Variants in STX2 observed in about 807,000 individuals in gnomAD.
STX2 encodes the protein syntaxin 2, also known as syntaxin-2.
In STX2, 27 loss-of-function variants were observed where a neutral mutation model predicts 40.6. That is an observed-to-expected ratio of 0.66 (90% CI 0.49 to 0.92). The LOEUF (loss-of-function observed/expected upper bound fraction) is 0.92. Ranked by LOEUF, STX2 falls within the 40% of genes least tolerant of loss-of-function variation. The probability of loss-of-function intolerance (pLI) is 0.00; values close to 1 mark genes in which losing one functional copy is unlikely to be tolerated. For synonymous variants in STX2, 123 were observed against 119.1 expected, an observed-to-expected ratio of 1.03 and a Z score of -0.22; for missense variants, 328 against 366.1, an observed-to-expected ratio of 0.90 and a Z score of 0.85.
At position 130,808,527 on chromosome 12, in the gene STX2, G is replaced by A. The variant is rs1005342607; in HGVS notation, c.354+104C>T. ...TATTTTTGTGCAGAAATACTATGAG[G>A]ATAAGCATGACAGTAAAGATGAAAT... On this transcript the variant is annotated intron_variant, in intron 5 of 10. Coordinates refer to ENST00000392373, the MANE Select transcript of STX2 (RefSeq NM_194356.4). 7.0e-6 allele frequency: 7 copies of A among 999,114 alleles called. No individual in the cohort carries two copies. In the Admixed American group the frequency reaches 1.2e-4, roughly 17 times the overall value. 61.9% of individuals were successfully genotyped at this position (999,114 alleles called of 1,614,324 possible). A position where few individuals can be genotyped will look rare whatever the true frequency, so the allele number is the denominator to read the frequency against.
At chr12:130,808,545 G>A in intron 5 of STX2, 86 bp downstream of exon 5, 1 of 1,165,928 alleles carries the variant, frequency 8.6e-7, no homozygotes, top group Non-Finnish European at 1.3e-6. Flanking sequence ...TGACAGTAAA[G>A]ATGAAATTAT....
rs1192625785 is a variant in STX2 at position 130,814,017 on chromosome 12, C to T, written c.206-986G>A. Among the ~76,000 whole-genome samples the T allele has an allele frequency of 3.9e-5, 6 of 152,338 alleles. No individual in the cohort carries two copies. The East Asian group carries it at 7.7e-4, about 20-fold the overall frequency. ...CACTCTCTTCCTGACACCCCCTCAGCTGAGCATACGCAGGGTGCCCCGAGT... is the reference window on the plus strand; with the variant it reads ...CACTCTCTTCCTGACACCCCCTCAGTTGAGCATACGCAGGGTGCCCCGAGT... On this transcript the variant is annotated intron_variant, in intron 3 of 10. Coordinates refer to ENST00000392373, the MANE Select transcript of STX2 (RefSeq NM_194356.4).
chr12:130,822,234 T>C (rs747721005), intron 2 of STX2, among the ~76,000 whole-genome samples: 3 of 152,124 alleles, frequency 2.0e-5, no homozygotes, highest in Admixed American at 6.6e-5. Flanking sequence ...CTGGCCAACA[T>C]AGAGAAACCT....
intron 1 of STX2, among the ~76,000 whole-genome samples, chr12:130,829,446 C>G (rs576095599): frequency 1.3e-5 from 2 of 152,320 alleles, no homozygotes; most frequent in African/African-American, 4.8e-5. Flanking sequence ...TTCCACACAC[C>G]CTGCTCTAAC....
chr12:130,836,293 G>C (rs1011784112), intron 1 of STX2, among the ~76,000 whole-genome samples: 1 of 152,030 alleles, frequency 6.6e-6, no homozygotes, highest in African/African-American at 2.4e-5. Context: ...TTGAGACAGG[G>C]TCTCAATCTG....
rs1275261453 is a variant in STX2 at position 130,791,434 on chromosome 12, G to C, written c.*589C>G. ...CCAGCTACTCGGGAGGCTGAGGCAG[G>C]AGAATTGCTTGAACCCGGGAGGCCG... is the stretch of plus-strand genomic sequence containing the variant. On this transcript the variant is annotated 3_prime_UTR_variant, in exon 11 of 11. Coordinates refer to ENST00000392373, the MANE Select transcript of STX2 (RefSeq NM_194356.4). 1 of 152,430 alleles carries C rather than the reference G, an allele frequency of 6.6e-6. No individual in the cohort carries two copies. The highest frequency in any genetic ancestry group is 2.4e-5 in the African/African-American group (1 of 41,324). The allele number at this position is 152,430 out of a possible 1,614,324, so 9.4% of individuals were successfully genotyped here.
Position 130,790,641 on chromosome 12 carries a change from C to G in STX2, c.*1382G>C. Reference sequence around the variant, plus strand: ...GGTACTTAACAACATGTATGTGGATCTGTACAATAGTTTAAATTTGTAAGA... The same window carrying G: ...GGTACTTAACAACATGTATGTGGATGTGTACAATAGTTTAAATTTGTAAGA... On this transcript the variant is annotated 3_prime_UTR_variant, in exon 11 of 11. Transcript: ENST00000392373. 6.6e-6 allele frequency: 1 copy of G among 152,332 alleles called. No individual in the cohort carries two copies. The highest frequency in any genetic ancestry group is 1.5e-5 in the Non-Finnish European group (1 of 68,042). The allele number at this position is 152,332 out of a possible 1,614,324, so 9.4% of individuals were successfully genotyped here. A position where few individuals can be genotyped will look rare whatever the true frequency, so the allele number is the denominator to read the frequency against.
intron 5 of STX2, 62 bp downstream of exon 5, chr12:130,808,569 G>A (rs1277149755): frequency 1.1e-5 from 15 of 1,405,912 alleles, no homozygotes; most frequent in Non-Finnish European, 1.5e-5. Context: ...GAGTCTGCAA[G>A]AAGAAAGTAA....
chr12:130,801,444 T>C lies in STX2; in HGVS notation c.508A>G (p.Ser170Gly). Residue 170 changes from serine (S) to glycine (G), a missense_variant, in exon 7 of 11, where the codon AGC becomes GGC. By Grantham distance (56) the Ser-to-Gly change is moderately conservative (BLOSUM62 0). Coordinates refer to ENST00000392373, the MANE Select transcript of STX2 (RefSeq NM_194356.4). ...GAAGTGAAGATGGATGGCTTCCCGC[T>C]CTCCAGCATCTCTTCTAGCTCGTCG... ...TDDELEEMLE[S>G]GKPSIFTSDI... 1 of 1,610,978 alleles carries C rather than the reference T, an allele frequency of 6.2e-7. No homozygotes were observed. The highest frequency in any genetic ancestry group is 8.5e-7 in the Non-Finnish European group (1 of 1,178,336).
intron 3 of STX2, among the ~76,000 whole-genome samples, chr12:130,818,170 CAA>C (rs756794046): frequency 6.0e-4 from 30 of 49,862 alleles, no homozygotes; most frequent in African/African-American, 2.8e-3. Context: ...GCTGTTTCTA[CAA>C]AAAAAAAAAA....
At chr12:130,824,961 G>A (rs1269944998) in intron 2 of STX2, among the ~76,000 whole-genome samples, 2 of 151,834 alleles carry the variant, frequency 1.3e-5, no homozygotes. Context: ...GACGCCAGCA[G>A]CAAAGACAGA....
chr12:130,836,377 C>A (rs1952758205), intron 1 of STX2, among the ~76,000 whole-genome samples: 1 of 152,116 alleles, frequency 6.6e-6, no homozygotes, highest in South Asian at 2.1e-4. Context: ...CTCAAGCAAT[C>A]TTCCCACCTC....
At chr12:130,813,545 C>T (rs1174456957) in intron 3 of STX2, among the ~76,000 whole-genome samples, 1 of 152,172 alleles carries the variant, frequency 6.6e-6, no homozygotes, top group Middle Eastern at 3.2e-3. Context: ...GTCGCCCTGG[C>T]CTGGCTTCTC....
intron 6 of STX2, among the ~76,000 whole-genome samples, chr12:130,805,493 TGA>T (rs777048501): frequency 9.9e-5 from 15 of 152,118 alleles, no homozygotes; most frequent in Admixed American, 5.9e-4. Flanking sequence ...GTATGAGAGA[TGA>T]GAGAGATGCA....
chr12:130,809,521 T>C (rs974511987), intron 4 of STX2, among the ~76,000 whole-genome samples: 6 of 152,192 alleles, frequency 3.9e-5, no homozygotes, highest in African/African-American at 4.8e-5. Context: ...GTTAATGATA[T>C]AAACATACAG....
At chr12:130,812,447 C>T in intron 4 of STX2, 1 of 414,424 alleles carries the variant, frequency 2.4e-6, no homozygotes, top group Middle Eastern at 3.5e-4. Flanking sequence ...CTGAAACCTG[C>T]CGTAATAAAA....
chr12:130,816,943 A>G (rs116617663), intron 3 of STX2, among the ~76,000 whole-genome samples: 1,972 of 152,310 alleles, frequency 0.013, 43 homozygotes, highest in African/African-American at 0.045. Flanking sequence ...AATCATCTCA[A>G]TCCCTAAAAT....
intron 3 of STX2, among the ~76,000 whole-genome samples, chr12:130,815,598 G>A (rs917685826): frequency 2.0e-5 from 3 of 152,192 alleles, no homozygotes; most frequent in Non-Finnish European, 4.4e-5. Flanking sequence ...TGCAACTGCC[G>A]TGTCACCGCT....
Position 130,826,067 on chromosome 12 carries a change from G to A in STX2, c.105+1126C>T, listed in dbSNP as rs377527474. ...GATAGGATCCCAGCACCGCCAGGCC[G>A]CCACATTTTAAAATATCAGCCACTG... On this transcript the variant is annotated intron_variant, in intron 2 of 10. Transcript: ENST00000392373. 9.5e-4 allele frequency among the ~76,000 whole-genome samples: 145 copies of A among 152,288 alleles called. 1 individual carries two copies. The highest frequency in any genetic ancestry group is 3.3e-3 in the African/African-American group (139 of 41,550).
Sources: gnomAD v4.1 joint callset for allele counts (sites outside exome capture counted in the v4.1 genomes callset) on GRCh38, gnomAD v4.1.1 for gene constraint, MANE v1.5 for transcripts, NCBI Gene and HGNC (gene_info 2026-07-23, HGNC 2026-07-21) for gene names.